LIPI: variants seen among roughly 807,000 people sequenced by gnomAD.
LIPI encodes lipase member I.
LIPI carries 59 observed loss-of-function variants against 50.6 expected under a neutral mutation model. The observed-to-expected ratio is 1.16, with a 90% CI of 0.94 to 1.45. The LOEUF (loss-of-function observed/expected upper bound fraction) is 1.45, where lower values mean the gene tolerates loss of function less well. LIPI is among the 40% of genes most tolerant of loss of function. The pLI, the probability that LIPI is intolerant of heterozygous loss-of-function variation, is 0.00. For missense variants in LIPI, 586 were observed against 536.3 expected (o/e 1.09, Z -0.92); for synonymous variants, 203 against 178.2 (o/e 1.14, Z -1.11).
intron 7 of LIPI, among the ~76,000 whole-genome samples, chr21:14,155,043 GT>G (rs2018226710): frequency 6.6e-6 from 1 of 151,752 alleles, no homozygotes; most frequent in African/African-American, 2.4e-5. Context: ...ATGATTCAAA[GT>G]TAACATGTCT....
chr21:14,160,520 T>TG (rs1341732955), intron 7 of LIPI, among the ~76,000 whole-genome samples: 1 of 151,240 alleles, frequency 6.6e-6, no homozygotes, highest in African/African-American at 2.4e-5. Flanking sequence ...CAGATGTAAA[T>TG]GTAACACATA....
chr21:14,170,865 G>A (rs1173880990), intron 4 of LIPI, among the ~76,000 whole-genome samples: 1 of 151,486 alleles, frequency 6.6e-6, no homozygotes, highest in Admixed American at 6.6e-5. Context: ...TTCTGGCCAG[G>A]GCAATTAGGC....
chr21:14,159,461 T>C (rs2123124977), intron 7 of LIPI, among the ~76,000 whole-genome samples: 1 of 151,538 alleles, frequency 6.6e-6, no homozygotes, highest in African/African-American at 2.4e-5. Context: ...ATTTATGAGG[T>C]AAAATTCTTG....
At chr21:14,149,987 G>A (rs993425827) in intron 8 of LIPI, among the ~76,000 whole-genome samples, 1 of 152,106 alleles carries the variant, frequency 6.6e-6, no homozygotes, top group Non-Finnish European at 1.5e-5. Flanking sequence ...ACAGCTCCAC[G>A]AGGCAGTGCC....
intron 1 of LIPI, among the ~76,000 whole-genome samples, chr21:14,199,613 A>C (rs1311324652): frequency 6.6e-6 from 1 of 151,710 alleles, no homozygotes; most frequent in Non-Finnish European, 1.5e-5. Flanking sequence ...AACCAAAAAA[A>C]AAAAGCCTAA....
intron 3 of LIPI, among the ~76,000 whole-genome samples, chr21:14,182,299 G>A (rs937587028): frequency 6.6e-6 from 1 of 152,084 alleles, no homozygotes; most frequent in African/African-American, 2.4e-5. Flanking sequence ...TATAATTTGG[G>A]CTATGGGATA....
intron 7 of LIPI, among the ~76,000 whole-genome samples, chr21:14,153,294 T>C (rs548327200): frequency 6.6e-6 from 1 of 152,260 alleles, no homozygotes; most frequent in Admixed American, 6.5e-5. Flanking sequence ...TATCCCAAGT[T>C]TTGTGCACCC....
chr21:14,121,689 A>T (rs1192460877), intron 9 of LIPI, among the ~76,000 whole-genome samples: 1 of 151,918 alleles, frequency 6.6e-6, no homozygotes, highest in Admixed American at 6.6e-5. Context: ...AATCATGTCT[A>T]CCCCTACCAC....
In LIPI at chr21:14,163,465, A is replaced by T; in HGVS notation, c.960T>A (p.Leu320=). 1 of 1,588,560 alleles carries T rather than the reference A, an allele frequency of 6.3e-7. No individual in the cohort carries two copies. The highest frequency in any genetic ancestry group is 1.3e-5 in the African/African-American group (1 of 74,508). Reference sequence around the variant, plus strand: ...TTGTATCCAAAAACACAGTGGTCCTAAGAGGTCTTCCTTCCATCCTTTCTT... The same window carrying T: ...TTGTATCCAAAAACACAGTGGTCCTTAGAGGTCTTCCTTCCATCCTTTCTT... The part of the protein sequence containing the change: ...VLKERMEGRP[L]RTTVFLDTSG... The change falls in exon 7 of 10, where the codon CTT becomes CTA. Residue 320 remains leucine (L), a synonymous_variant. Transcript: ENST00000681601.
At chr21:14,111,330 C>T (rs904243946) in intron 9 of LIPI, among the ~76,000 whole-genome samples, 1 of 151,918 alleles carries the variant, frequency 6.6e-6, no homozygotes, top group Non-Finnish European at 1.5e-5. Flanking sequence ...TTGCGTTTCC[C>T]TCATGGTTAG....
At chr21:14,199,578 G>A (rs1188112101) in intron 1 of LIPI, among the ~76,000 whole-genome samples, 1 of 149,822 alleles carries the variant, frequency 6.7e-6, no homozygotes, top group Admixed American at 6.7e-5. Flanking sequence ...GATGAGCTCT[G>A]AAATTTAGGA....
At chr21:14,170,067 C>T (rs1371377221) in intron 4 of LIPI, among the ~76,000 whole-genome samples, 1 of 152,200 alleles carries the variant, frequency 6.6e-6, no homozygotes. Flanking sequence ...AAACTACCAT[C>T]AGAGAATACT....
chr21:14,158,163 G>A (rs2018336738), intron 7 of LIPI, among the ~76,000 whole-genome samples: 1 of 151,730 alleles, frequency 6.6e-6, no homozygotes, highest in Non-Finnish European at 1.5e-5. Flanking sequence ...CACATGTATT[G>A]CCAGTACACA....
chr21:14,124,994 GAA>G (rs35608622), intron 9 of LIPI, among the ~76,000 whole-genome samples: 1 of 146,456 alleles, frequency 6.8e-6, no homozygotes, highest in East Asian at 2.0e-4. Flanking sequence ...ACTCCACCTC[GAA>G]AAAAAAAAAT....
intron 1 of LIPI, among the ~76,000 whole-genome samples, chr21:14,196,674 T>TA (rs2019871510): frequency 6.6e-6 from 1 of 151,360 alleles, no homozygotes; most frequent in Non-Finnish European, 1.5e-5. Flanking sequence ...AAAAAAAAAG[T>TA]AAAAATCTAG....
At chr21:14,119,376 G>C (rs1330901198) in intron 9 of LIPI, among the ~76,000 whole-genome samples, 1 of 152,202 alleles carries the variant, frequency 6.6e-6, no homozygotes, top group Non-Finnish European at 1.5e-5. Flanking sequence ...AAAAGGCACA[G>C]ATCTGTGGCC....
chr21:14,121,774 A>G (rs2016871095), intron 9 of LIPI, among the ~76,000 whole-genome samples: 1 of 152,170 alleles, frequency 6.6e-6, no homozygotes, highest in African/African-American at 2.4e-5. Context: ...AGACCAGTGG[A>G]CAAGTCAGCA....
chr21:14,195,649 G>A (rs2019819312), intron 1 of LIPI, among the ~76,000 whole-genome samples: 1 of 151,930 alleles, frequency 6.6e-6, no homozygotes, highest in Non-Finnish European at 1.5e-5. Flanking sequence ...TGATAAATTG[G>A]GCTTTTACAT....
At chr21:14,114,023 A>G (rs2016519314) in intron 9 of LIPI, among the ~76,000 whole-genome samples, 1 of 151,998 alleles carries the variant, frequency 6.6e-6, no homozygotes, top group African/African-American at 2.4e-5. Context: ...CTGTCTCTAC[A>G]AAAAATTAGC....
Sources: gnomAD v4.1 joint callset for allele counts (sites outside exome capture counted in the v4.1 genomes callset) on GRCh38, gnomAD v4.1.1 for gene constraint, MANE v1.5 for transcripts, NCBI Gene and HGNC (gene_info 2026-07-23, HGNC 2026-07-21) for gene names.